Variants in ANKS1A observed in about 807,000 individuals in gnomAD.
ANKS1A encodes ankyrin repeat and sterile alpha motif domain containing 1A, also known as ankyrin repeat and SAM domain-containing protein 1A.
ANKS1A carries 55 observed loss-of-function variants against 120.3 expected under a neutral mutation model. The ratio of observed to expected loss-of-function variants is 0.46; its 90% confidence interval spans 0.37 to 0.57. ANKS1A has a LOEUF of 0.57. ANKS1A is among the 20% of genes least tolerant of loss of function. ANKS1A has a pLI of 0.00. For synonymous variants in ANKS1A, 590 were observed against 604.7 expected, an observed-to-expected ratio of 0.98 and a Z score of 0.36; for missense variants, 1,123 against 1,480.3, an observed-to-expected ratio of 0.76 and a Z score of 3.96.
Position 35,017,782 on chromosome 6 carries a change from G to T in ANKS1A, c.1733G>T (p.Arg578Leu), listed in dbSNP as rs139989759. ...YLTGLPTTNSRSHPETLTHTA... is the reference protein window; with the variant it reads ...YLTGLPTTNSLSHPETLTHTA... The stretch of plus-strand genomic sequence containing the variant: ...ACAGGCCTGCCCACCACCAACAGCC[G>T]CTCGCACCCTGAAACTTTGACTCAC... Residue 578 changes from arginine to leucine, a missense_variant, in exon 11 of 24, where the codon CGC becomes CTC. Transcript: ENST00000360359. 1.1e-5 allele frequency: 17 copies of T among 1,613,976 alleles called. No individual in the cohort carries two copies. In the Admixed American group the frequency reaches 2.8e-4, roughly 27 times the overall value.
rs1343374772 is a variant in ANKS1A at position 34,895,844 on chromosome 6, C to T, written c.197+6245C>T. On this transcript the variant is annotated intron_variant, in intron 1 of 23. Coordinates refer to ENST00000360359, the MANE Select transcript of ANKS1A (RefSeq NM_015245.3). ...TCTCTCTCTCGCCCAGGCTGGAGTG[C>T]GATGGCACGATCTCGACTCATTGCA... Among the ~76,000 whole-genome samples the T allele has an allele frequency of 3.1e-5, 4 of 127,868 alleles. No individual in the cohort carries two copies. In the South Asian group the frequency reaches 7.3e-4, roughly 23 times the overall value. The allele number at this position is 127,868 out of a possible 152,430, so 83.9% of individuals were successfully genotyped here. A position where few individuals can be genotyped will look rare whatever the true frequency, so the allele number is the denominator to read the frequency against.
intron 1 of ANKS1A, among the ~76,000 whole-genome samples, chr6:34,938,723 C>T (rs1769382941): frequency 6.6e-6 from 1 of 152,252 alleles, no homozygotes; most frequent in African/African-American, 2.4e-5. Context: ...GGCATGGTGG[C>T]TCACGCCTGT....
At chr6:35,064,795 A>C in intron 13 of ANKS1A, among the ~76,000 whole-genome samples, 4 of 143,252 alleles carry the variant, frequency 2.8e-5, no homozygotes, top group African/African-American at 5.2e-5. Context: ...CCCAGCCCCC[A>C]CCTCCACCCC....
intron 7 of ANKS1A, among the ~76,000 whole-genome samples, chr6:34,984,673 A>T (rs1321504501): frequency 6.6e-6 from 1 of 152,228 alleles, no homozygotes; most frequent in African/African-American, 2.4e-5. Context: ...CCTCCAGCTC[A>T]GAAAGCCTTT....
In ANKS1A at chr6:35,090,471, GATC is replaced by G; in HGVS notation, c.*1866_*1868del. 1 of 1,158,570 alleles carries G rather than the reference GATC, an allele frequency of 8.6e-7. No homozygotes were observed. The highest frequency in any genetic ancestry group is 1.1e-6 in the Non-Finnish European group (1 of 925,364). The allele number at this position is 1,158,570 out of a possible 1,614,324, so 71.8% of individuals were successfully genotyped here. A position where few individuals can be genotyped will look rare whatever the true frequency, so the allele number is the denominator to read the frequency against. ...CTCCTCAAGCTGTCTTTTGTGCTTA[GATC>G]ATCCATAGGTGTTTCTTCTGCTTGA... is the stretch of plus-strand genomic sequence containing the variant. On this transcript the variant is annotated 3_prime_UTR_variant, in exon 24 of 24. Coordinates refer to ENST00000360359, the MANE Select transcript of ANKS1A (RefSeq NM_015245.3).
In ANKS1A at chr6:35,029,824, ATT is replaced by A. The variant is rs899148540; in HGVS notation, c.2010+11770_2010+11771del. Among the ~76,000 whole-genome samples the A allele has an allele frequency of 2.4e-4, 36 of 148,262 alleles. No homozygotes were observed. In the South Asian group the frequency reaches 3.6e-3, roughly 15 times the overall value. On this transcript the variant is annotated intron_variant, in intron 11 of 23. Coordinates refer to ENST00000360359, the MANE Select transcript of ANKS1A (RefSeq NM_015245.3). ...ATATATATTATTTGATTACAAATCT[ATT>A]TTTTATATATATATAGTTACATATT...
intron 13 of ANKS1A, chr6:35,070,839 T>C (rs929049775): frequency 1.7e-6 from 1 of 574,836 alleles, no homozygotes. Context: ...TGTGTGTGTG[T>C]GTGTGTGCGC....
intron 9 of ANKS1A, 48 bp downstream of exon 9, chr6:34,989,364 G>T: frequency 6.4e-7 from 1 of 1,550,802 alleles, no homozygotes; most frequent in South Asian, 1.1e-5. Flanking sequence ...TGAGTTTGTT[G>T]AAAAGTGCAT....
chr6:34,960,388 A>G (rs1000555274), intron 1 of ANKS1A, among the ~76,000 whole-genome samples: 1 of 151,958 alleles, frequency 6.6e-6, no homozygotes, highest in Non-Finnish European at 1.5e-5. Flanking sequence ...ATCAAGCTCC[A>G]TGAGGGCAGA....
chr6:35,000,808 AT>A (rs1340656467), intron 10 of ANKS1A, among the ~76,000 whole-genome samples: 45 of 152,254 alleles, frequency 3.0e-4, no homozygotes, highest in South Asian at 1.2e-3. Flanking sequence ...AAGAATGTGG[AT>A]TTTTACCTAC....
chr6:34,965,466 C>G (rs754630237), intron 1 of ANKS1A, among the ~76,000 whole-genome samples: 6 of 152,118 alleles, frequency 3.9e-5, no homozygotes, highest in Admixed American at 2.0e-4. Context: ...ATTCTCCTGT[C>G]TCAGCCTCCT....
At chr6:34,985,578 T>A (rs1010450476) in intron 8 of ANKS1A, among the ~76,000 whole-genome samples, 1 of 152,214 alleles carries the variant, frequency 6.6e-6, no homozygotes, top group East Asian at 1.9e-4. Flanking sequence ...CTATTTAGCC[T>A]TAGTGTTGCT....
At chr6:35,016,400 T>C (rs968796954) in intron 10 of ANKS1A, among the ~76,000 whole-genome samples, 2 of 152,324 alleles carry the variant, frequency 1.3e-5, no homozygotes, top group East Asian at 1.9e-4. Flanking sequence ...TTGAATATTA[T>C]GGAATGTGAG....
chr6:34,889,476 G>T lies in ANKS1A; in HGVS notation c.74G>T (p.Gly25Val). 1 of 1,287,678 alleles carries T rather than the reference G, an allele frequency of 7.8e-7. No individual in the cohort carries two copies. 79.8% of individuals were successfully genotyped at this position (1,287,678 alleles called of 1,614,324 possible). ...HLPAVEKLLS[G>V]KRLSSGFGGG... ...CCGGCGGTGGAGAAGCTGCTGTCCG[G>T]GAAGCGGCTCTCCTCAGGCTTTGGG... Residue 25 changes from glycine (G) to valine (V), a missense_variant, in exon 1 of 24, where the codon GGG becomes GTG. Gly to Val is a moderately radical substitution (Grantham distance 109). Around this residue, in one of 3 missense-constraint regions of ANKS1A, gnomAD observed 73 missense variants for 82.2 expected, o/e 0.89. Transcript: ENST00000360359. The surrounding 1 kb of genome is among the most constrained non-coding windows in gnomAD (Gnocchi z 5.5).
intron 10 of ANKS1A, among the ~76,000 whole-genome samples, chr6:35,016,781 A>AGGG (rs554356571): frequency 7.4e-6 from 1 of 134,544 alleles, no homozygotes; most frequent in Non-Finnish European, 1.6e-5. Flanking sequence ...AAAAAAAAAA[A>AGGG]AGAGAGAGAG....
intron 11 of ANKS1A, among the ~76,000 whole-genome samples, chr6:35,029,039 C>T (rs1347836416): frequency 6.6e-6 from 1 of 152,156 alleles, no homozygotes; most frequent in Non-Finnish European, 1.5e-5. Flanking sequence ...TTTTGGTTAA[C>T]AGATTGGTAA....
Position 34,973,570 on chromosome 6 carries a change from C to T in ANKS1A, c.435+3404C>T, listed in dbSNP as rs528900758. The stretch of plus-strand genomic sequence containing the variant: ...TGTGCTCAAGACACTACATTATCCA[C>T]ATTAGCTACCTTTTACTTGTTCTGA... On this transcript the variant is annotated intron_variant, in intron 3 of 23. Transcript: ENST00000360359. Among the ~76,000 whole-genome samples the T allele has an allele frequency of 4.8e-3, 727 of 152,298 alleles. 5 individuals are homozygous for T. Among genetic ancestry groups the T allele is most frequent in the Non-Finnish European group, 7.5e-3 (509 of 68,014 alleles).
intron 14 of ANKS1A, 118 bp from the exon 15 acceptor site, chr6:35,079,398 C>T (rs1426825805): frequency 8.4e-6 from 11 of 1,311,006 alleles, no homozygotes; most frequent in Non-Finnish European, 1.1e-5. Context: ...GTGCTGAGGA[C>T]CCCAAACACA....
intron 1 of ANKS1A, among the ~76,000 whole-genome samples, chr6:34,929,804 CTTCT>C (rs1339570317): frequency 7.7e-6 from 1 of 130,404 alleles, no homozygotes; most frequent in African/African-American, 3.6e-5. Flanking sequence ...TTCCTTCCTC[CTTCT>C]CTCTCTCTCT....
Sources: gnomAD v4.1 joint callset for allele counts (sites outside exome capture counted in the v4.1 genomes callset) on GRCh38, gnomAD v4.1.1 for gene constraint, gnomAD v4.1.1 regional missense constraint, Gnocchi (gnomAD v3.1) non-coding constraint, MANE v1.5 for transcripts, NCBI Gene and HGNC (gene_info 2026-07-23, HGNC 2026-07-21) for gene names.